Variants in CCDC71 observed in about 807,000 individuals in gnomAD.
The protein encoded by CCDC71 is coiled-coil domain-containing protein 71.
For synonymous variants in CCDC71, 257 were observed against 242.2 expected, an observed-to-expected ratio of 1.06 and a Z score of -0.57; for missense variants, 594 against 604.0, an observed-to-expected ratio of 0.98 and a Z score of 0.17.
Position 49,163,334 on chromosome 3 carries a change from G to A in CCDC71, c.875C>T (p.Ala292Val), listed in dbSNP as rs762659492. The A allele has an allele frequency of 1.2e-6, 2 of 1,613,884 alleles. No homozygotes were observed. The highest frequency in any genetic ancestry group is 2.2e-5 in the East Asian group (1 of 44,874). Residue 292 changes from alanine (A) to valine (V), a missense_variant, in exon 2 of 2, where the codon GCT (alanine) becomes GTT (valine). Physicochemically the swap from Ala to Val is moderately conservative, Grantham distance 64. Transcript: ENST00000321895. ...AGCCACCTTGGCTTGGGCACGAGCA[G>A]CTTTGGCCAGTGTTCGAGCTACCTT... ...QAKVARTLAK[A>V]ARAQAKVART...
In CCDC71 at chr3:49,162,713, C is replaced by A; in HGVS notation, c.*92G>T. Reference sequence around the variant, plus strand: ...GCCCTAGAGAGGCACCGGGAGTCCTCAAGATTGTGGAGTCCACGGACATAG... The same window carrying A: ...GCCCTAGAGAGGCACCGGGAGTCCTAAAGATTGTGGAGTCCACGGACATAG... On this transcript the variant is annotated 3_prime_UTR_variant, in exon 2 of 2. Transcript: ENST00000321895. The A allele has an allele frequency of 1.0e-5, 14 of 1,344,428 alleles. No homozygotes were observed. Among genetic ancestry groups the A allele is most frequent in the Non-Finnish European group, 1.4e-5 (14 of 1,002,922 alleles). The allele number at this position is 1,344,428 out of a possible 1,614,324, so 83.3% of individuals were successfully genotyped here. A position where few individuals can be genotyped will look rare whatever the true frequency, so the allele number is the denominator to read the frequency against.
chr3:49,162,805 T>C lies in CCDC71; in HGVS notation c.1404A>G (p.Ter468TrpextTer18), dbSNP rs1374982699. Residue 468 changes from the stop codon to tryptophan (W), a stop_lost, in exon 2 of 2, where the codon TGA becomes TGG. Coordinates refer to ENST00000321895, the MANE Select transcript of CCDC71 (RefSeq NM_022903.4). ...CCCCAAACATTGCCGTGTGAAGGAA[T>C]CAGACTGCTGAATATGGCAGCAATG... is the stretch of plus-strand genomic sequence containing the variant. ...LQPLLPYSAV[*>W] 1 of 1,612,448 alleles carries C rather than the reference T, an allele frequency of 6.2e-7. No individual in the cohort carries two copies. The highest frequency in any genetic ancestry group is 8.5e-7 in the Non-Finnish European group (1 of 1,178,980).
In CCDC71 at chr3:49,163,278, C is replaced by A; in HGVS notation, c.931G>T (p.Ala311Ser). 6.3e-7 allele frequency: 1 copy of A among 1,590,188 alleles called. No individual in the cohort carries two copies. Among genetic ancestry groups the A allele is most frequent in the Non-Finnish European group, 8.6e-7 (1 of 1,161,076 alleles). Residue 311 changes from alanine to serine, a missense_variant, in exon 2 of 2, where the codon GCC (alanine) becomes TCC (serine). Transcript: ENST00000321895. ...RTQAKAAKAR[A>S]KAKAAQVKAK... ...TTGACCTGTGCTGCCTTGGCCTTGG[C>A]CCGGGCCTTAGCAGCCTTGGCCTGT...
chr3:49,165,884 G>A (rs1402879746), intron 1 of CCDC71, among the ~76,000 whole-genome samples: 1 of 152,184 alleles, frequency 6.6e-6, no homozygotes, highest in Non-Finnish European at 1.5e-5. Flanking sequence ...GCTCCTGCCC[G>A]GCCTCCGACT....
At position 49,163,587 on chromosome 3, in the gene CCDC71, A is replaced by G; in HGVS notation, c.622T>C (p.Ser208Pro). 1 of 1,614,176 alleles carries G rather than the reference A, an allele frequency of 6.2e-7. No homozygotes were observed. The stretch of plus-strand genomic sequence containing the variant: ...GAACTTTTCCGCAGTTTCAGAGGAG[A>G]GTCTGCAAGTGAGAGCTGCAGTGAC... Reference protein sequence around the residue: ...AQSLQLSLADSPLKLRKSSGK... With the variant: ...AQSLQLSLADPPLKLRKSSGK... The change falls in exon 2 of 2, where the codon TCT (serine) becomes CCT (proline). Residue 208 changes from serine to proline, a missense_variant. Coordinates refer to ENST00000321895, the MANE Select transcript of CCDC71 (RefSeq NM_022903.4).
In CCDC71 at chr3:49,165,635, C is replaced by T. The variant is rs563838277; in HGVS notation, c.-53+632G>A. 1.0e-4 allele frequency among the ~76,000 whole-genome samples: 16 copies of T among 152,386 alleles called. 1 individual carries two copies. In the South Asian group the frequency reaches 3.1e-3, roughly 30 times the overall value. ...ATCCTCAGGTGTCTTGGGCACTTCC[C>T]CTCCCCAGAGACCGTTCTCCAAGCA... is the stretch of plus-strand genomic sequence containing the variant. On this transcript the variant is annotated intron_variant, in intron 1 of 1. Coordinates refer to ENST00000321895, the MANE Select transcript of CCDC71 (RefSeq NM_022903.4).
rs1560085753 is a variant in CCDC71, at chr3:49,163,243, G to C, written c.966C>G (p.Ala322=). ...CCTTGACCTGTGCTGCCTTAGCTTT[G>C]GCCTTAGCCTTGACCTGTGCTGCCT... ...KAKAAQVKAK[A]KAKAAQVKAK... is the part of the protein sequence containing the mutation. Residue 322 remains alanine, a synonymous_variant, in exon 2 of 2, where the codon GCC becomes GCG. Coordinates refer to ENST00000321895, the MANE Select transcript of CCDC71 (RefSeq NM_022903.4). The C allele has an allele frequency of 6.4e-7, 1 of 1,571,430 alleles. No individual in the cohort carries two copies. The highest frequency in any genetic ancestry group is 1.1e-5 in the South Asian group (1 of 87,800).
At position 49,164,229 on chromosome 3, in the gene CCDC71, T is replaced by C. The variant is rs765845601; in HGVS notation, c.-21A>G. 5.0e-6 allele frequency: 8 copies of C among 1,596,400 alleles called. No homozygotes were observed. The highest frequency in any genetic ancestry group is 6.9e-6 in the Non-Finnish European group (8 of 1,167,394). ...CTCATGGCATTAGGCACTGCAGATC[T>C]GCCTGGGTATCCGCAAACCAGCGCT... On this transcript the variant is annotated 5_prime_UTR_variant, in exon 2 of 2. Coordinates refer to ENST00000321895, the MANE Select transcript of CCDC71 (RefSeq NM_022903.4).
At chr3:49,164,993 T>A (rs1037995808) in intron 1 of CCDC71, among the ~76,000 whole-genome samples, 2 of 151,966 alleles carry the variant, frequency 1.3e-5, no homozygotes, top group African/African-American at 4.8e-5. Flanking sequence ...TGGAGTGGGG[T>A]GGGGGAATCT....
At chr3:49,165,649 G>C (rs945100085) in intron 1 of CCDC71, among the ~76,000 whole-genome samples, 5 of 152,262 alleles carry the variant, frequency 3.3e-5, no homozygotes, top group Non-Finnish European at 7.3e-5. Flanking sequence ...CCCAGAGACC[G>C]TTCTCCAAGC....
rs2045701678 is a variant in CCDC71 at position 49,163,174 on chromosome 3, T to TTTAGCCTTGGCC, written c.1023_1034dup (p.Lys345_Ala348dup). The TTTAGCCTTGGCC allele has an allele frequency of 1.9e-6, 3 of 1,579,248 alleles. No homozygotes were observed. Among genetic ancestry groups the TTTAGCCTTGGCC allele is most frequent in the Non-Finnish European group, 2.6e-6 (3 of 1,154,628 alleles). On this transcript the variant is annotated inframe_insertion, in exon 2 of 2. Coordinates refer to ENST00000321895, the MANE Select transcript of CCDC71 (RefSeq NM_022903.4). ...TGGCCTTGGCCCGTACTGCCTTGGCTTTAGCCTTGGCCTTGGCCCATGCTG... is the reference window on the plus strand; with the variant it reads ...TGGCCTTGGCCCGTACTGCCTTGGCTTTAGCCTTGGCCTTAGCCTTGGCCTTGGCCCATGCTG...
In CCDC71 at chr3:49,163,686, G is replaced by A; in HGVS notation, c.523C>T (p.Leu175Phe). The change falls in exon 2 of 2, where the codon CTC (leucine) becomes TTC (phenylalanine). Residue 175 changes from leucine to phenylalanine, a missense_variant. Physicochemically the swap from Leu to Phe is conservative, Grantham distance 22. Transcript: ENST00000321895. ...LYPGVYPAMR[L>F]SVVLEALVPL... ...ACCAGGGCCTCAAGGACAACAGAGAGCCGCATGGCAGGGTAGACACCTGGA... is the reference window on the plus strand; with the variant it reads ...ACCAGGGCCTCAAGGACAACAGAGAACCGCATGGCAGGGTAGACACCTGGA... 1 of 1,614,134 alleles carries A rather than the reference G, an allele frequency of 6.2e-7. No individual in the cohort carries two copies. Among genetic ancestry groups the A allele is most frequent in the Non-Finnish European group, 8.5e-7 (1 of 1,180,040 alleles).
rs752200395 is a variant in CCDC71 at position 49,163,361 on chromosome 3, G to T, written c.848C>A (p.Ala283Asp). 38 of 1,613,872 alleles carry T rather than the reference G, an allele frequency of 2.4e-5. No homozygotes were observed. The highest frequency in any genetic ancestry group is 6.7e-5 in the Admixed American group (4 of 60,014). The change falls in exon 2 of 2, where the codon GCC (alanine) becomes GAC (aspartate). Residue 283 changes from alanine to aspartate, a missense_variant. Coordinates refer to ENST00000321895, the MANE Select transcript of CCDC71 (RefSeq NM_022903.4). ...TTTGGCCAGTGTTCGAGCTACCTTG[G>T]CCTGGGCTGTTTTGGTGCCCAGGGC... is the stretch of plus-strand genomic sequence containing the variant. ...GSALGTKTAQ[A>D]KVARTLAKAA...
chr3:49,163,699 G>A lies in CCDC71; in HGVS notation c.510C>T (p.Tyr170=), dbSNP rs2045706960. 1.2e-6 allele frequency: 2 copies of A among 1,614,102 alleles called. No individual in the cohort carries two copies. Among genetic ancestry groups the A allele is most frequent in the South Asian group, 1.1e-5 (1 of 91,080 alleles). Residue 170 remains tyrosine, a synonymous_variant, in exon 2 of 2, where the codon TAC becomes TAT. Transcript: ENST00000321895. The part of the protein sequence containing the change: ...GFPTHLYPGV[Y]PAMRLSVVLE... ...GGACAACAGAGAGCCGCATGGCAGGGTAGACACCTGGATAAAGGTGGGTGG... is the reference window on the plus strand; with the variant it reads ...GGACAACAGAGAGCCGCATGGCAGGATAGACACCTGGATAAAGGTGGGTGG...
At position 49,163,026 on chromosome 3, in the gene CCDC71, C is replaced by T; in HGVS notation, c.1183G>A (p.Glu395Lys). Reference protein sequence around the residue: ...TVGQKRKRAEEAKDLPPKKRT... With the variant: ...TVGQKRKRAEKAKDLPPKKRT... Reference sequence around the variant, plus strand: ...TTCTTGGGAGGAAGATCTTTTGCCTCCTCAGCCCTTTTCCTCTTCTGCCCA... The same window carrying T: ...TTCTTGGGAGGAAGATCTTTTGCCTTCTCAGCCCTTTTCCTCTTCTGCCCA... Residue 395 changes from glutamate (E) to lysine (K), a missense_variant, in exon 2 of 2, where the codon GAG (glutamate) becomes AAG (lysine). By Grantham distance (56) the Glu-to-Lys change is moderately conservative. Coordinates refer to ENST00000321895, the MANE Select transcript of CCDC71 (RefSeq NM_022903.4). The T allele has an allele frequency of 6.2e-7, 1 of 1,614,266 alleles. No individual in the cohort carries two copies. The highest frequency in any genetic ancestry group is 8.5e-7 in the Non-Finnish European group (1 of 1,180,042).
In CCDC71 at chr3:49,163,543, G is replaced by T. The variant is rs760008905; in HGVS notation, c.666C>A (p.Asn222Lys). The change falls in exon 2 of 2, where the codon AAC becomes AAA. Residue 222 changes from asparagine to lysine, a missense_variant. Physicochemically the swap from Asn to Lys is moderately conservative, Grantham distance 94. Coordinates refer to ENST00000321895, the MANE Select transcript of CCDC71 (RefSeq NM_022903.4). ...TTTTTCTGGGAGCTTTGGGCCGAGG[G>T]TTCCCCGGACCCTTCCCTGAACTTT... is the stretch of plus-strand genomic sequence containing the variant. ...LRKSSGKGPG[N>K]PRPKAPRKTT... 16 of 1,614,098 alleles carry T rather than the reference G, an allele frequency of 9.9e-6. No homozygotes were observed. The highest frequency in any genetic ancestry group is 1.4e-5 in the Non-Finnish European group (16 of 1,180,026).
In CCDC71 at chr3:49,164,012, C is replaced by A. The variant is rs1230183688; in HGVS notation, c.197G>T (p.Arg66Leu). 3 of 1,613,954 alleles carry A rather than the reference C, an allele frequency of 1.9e-6. No individual in the cohort carries two copies. The highest frequency in any genetic ancestry group is 2.5e-6 in the Non-Finnish European group (3 of 1,180,030). The change falls in exon 2 of 2, where the codon CGC (arginine) becomes CTC (leucine). Residue 66 changes from arginine (R) to leucine (L), a missense_variant. Transcript: ENST00000321895. Reference sequence around the variant, plus strand: ...ACTATAGCCATAGACATCACCACTGCGCAGGATGGTAGGTTGGAAGCCATC... The same window carrying A: ...ACTATAGCCATAGACATCACCACTGAGCAGGATGGTAGGTTGGAAGCCATC... ...RDDGFQPTIL[R>L]SGDVYGYSSC...
Position 49,163,768 on chromosome 3 carries a change from C to T in CCDC71, c.441G>A (p.Lys147=). 1 of 1,614,144 alleles carries T rather than the reference C, an allele frequency of 6.2e-7. No individual in the cohort carries two copies. Among genetic ancestry groups the T allele is most frequent in the Non-Finnish European group, 8.5e-7 (1 of 1,180,032 alleles). The part of the protein sequence containing the change: ...ATTNLLLSSL[K]QSSASHARGA... ...CCCGGGCATGGCTGGCACTTGATTG[C>T]TTCAGAGAGCTCAGCAGCAGGTTGG... Residue 147 remains lysine (K), a synonymous_variant, in exon 2 of 2, where the codon AAG becomes AAA. Transcript: ENST00000321895.
rs2045722806 is a variant in CCDC71, at chr3:49,166,104, C to T, written c.-53+163G>A. On this transcript the variant is annotated intron_variant, in intron 1 of 1. Transcript: ENST00000321895. This position sits in a 1 kb window ranked among gnomAD's most constrained non-coding sequence, Gnocchi z 4.0. Reference sequence around the variant, plus strand: ...TGCTAGCCCTACCGGGACCGCACAGCCCCAGGGTGGGGTCGCTGGGCGCGG... The same window carrying T: ...TGCTAGCCCTACCGGGACCGCACAGTCCCAGGGTGGGGTCGCTGGGCGCGG... Among the ~76,000 whole-genome samples, 1 of 148,344 alleles carries T rather than the reference C, an allele frequency of 6.7e-6. No individual in the cohort carries two copies. Among genetic ancestry groups the T allele is most frequent in the Admixed American group, 6.7e-5 (1 of 14,884 alleles).
Sources: gnomAD v4.1 joint callset for allele counts (sites outside exome capture counted in the v4.1 genomes callset) on GRCh38, gnomAD v4.1.1 for gene constraint, Gnocchi (gnomAD v3.1) non-coding constraint, MANE v1.5 for transcripts, NCBI Gene and HGNC (gene_info 2026-07-23, HGNC 2026-07-21) for gene names.